Variants in CHCHD6 observed in about 807,000 individuals in gnomAD.
CHCHD6 encodes the protein coiled-coil-helix-coiled-coil-helix domain containing 6, also known as MICOS complex subunit MIC25.
A neutral mutation model predicts 32.3 loss-of-function variants in CHCHD6; 28 were observed. The ratio of observed to expected loss-of-function variants is 0.87; its 90% CI spans 0.64 to 1.19. The LOEUF (loss-of-function observed/expected upper bound fraction) is 1.19. Among genes scored for constraint, CHCHD6 ranks in the 50% most tolerant of loss-of-function variants. The pLI, the probability that CHCHD6 is intolerant of heterozygous loss-of-function variation, is 0.00. For missense variants in CHCHD6, 333 were observed against 307.0 expected (o/e 1.08, Z -0.63); for synonymous variants, 122 against 117.5 (o/e 1.04, Z -0.25).
intron 5 of CHCHD6, among the ~76,000 whole-genome samples, chr3:126,863,218 A>G (rs1165004500): frequency 7.7e-6 from 1 of 129,514 alleles, no homozygotes; most frequent in Admixed American, 7.7e-5. Context: ...CTCTACCACC[A>G]TCACCACCTC....
intron 5 of CHCHD6, among the ~76,000 whole-genome samples, chr3:126,871,578 A>G (rs1204866699): frequency 4.7e-5 from 7 of 150,424 alleles, no homozygotes; most frequent in African/African-American, 1.5e-4. Flanking sequence ...TCCCCACCCT[A>G]TGAGTAGCGA....
intron 5 of CHCHD6, among the ~76,000 whole-genome samples, chr3:126,855,187 C>T (rs983698324): frequency 1.3e-5 from 2 of 152,170 alleles, no homozygotes; most frequent in Non-Finnish European, 2.9e-5. Context: ...TTGACACAGA[C>T]AGGGGCCTTG....
intron 1 of CHCHD6, among the ~76,000 whole-genome samples, chr3:126,721,405 G>A (rs146106766): frequency 2.8e-3 from 433 of 152,230 alleles, no homozygotes; most frequent in African/African-American, 9.8e-3. Context: ...CTGCCGTCCC[G>A]CCCATGGGAT....
intron 5 of CHCHD6, among the ~76,000 whole-genome samples, chr3:126,856,403 T>G (rs1269672525): frequency 6.6e-6 from 1 of 152,162 alleles, no homozygotes; most frequent in Non-Finnish European, 1.5e-5. Context: ...AGCTCAGAAC[T>G]CCAAACACAC....
intron 4 of CHCHD6, chr3:126,780,253 G>A (rs551957402): frequency 2.7e-4 from 94 of 347,886 alleles, no homozygotes; most frequent in Non-Finnish European, 4.3e-4. Context: ...TGAAAGTTAG[G>A]GAAACACCTA....
intron 4 of CHCHD6, among the ~76,000 whole-genome samples, chr3:126,733,731 A>G (rs1205810113): frequency 6.6e-6 from 1 of 152,160 alleles, no homozygotes; most frequent in Non-Finnish European, 1.5e-5. Context: ...AGGAGATAGT[A>G]TTTGTCCAGG....
chr3:126,788,293 G>T (rs564672865), intron 4 of CHCHD6, among the ~76,000 whole-genome samples: 27 of 152,056 alleles, frequency 1.8e-4, no homozygotes, highest in South Asian at 1.0e-3. Context: ...TCTCTTTTTT[G>T]GTTGTGTCTC....
intron 5 of CHCHD6, among the ~76,000 whole-genome samples, chr3:126,871,510 T>A (rs1354994056): frequency 6.6e-6 from 1 of 152,004 alleles, no homozygotes; most frequent in Admixed American, 6.5e-5. Context: ...TCACCTCTGT[T>A]CATCAGATTG....
chr3:126,921,169 C>T (rs2078241285), intron 6 of CHCHD6, among the ~76,000 whole-genome samples: 1 of 152,182 alleles, frequency 6.6e-6, no homozygotes, highest in African/African-American at 2.4e-5. Context: ...ACGGGTGACT[C>T]TCCCAACTTG....
chr3:126,832,553 C>T (rs1707657481), intron 4 of CHCHD6, among the ~76,000 whole-genome samples: 1 of 152,192 alleles, frequency 6.6e-6, no homozygotes, highest in African/African-American at 2.4e-5. Context: ...TTAAACCTCT[C>T]AGATTCTGAG....
chr3:126,938,339 T>C (rs1046034179), intron 6 of CHCHD6, among the ~76,000 whole-genome samples: 1 of 152,218 alleles, frequency 6.6e-6, no homozygotes, highest in African/African-American at 2.4e-5. Flanking sequence ...GCCACAGGGC[T>C]AGTTACAGAA....
At chr3:126,818,347 CTG>C (rs1387611178) in intron 4 of CHCHD6, among the ~76,000 whole-genome samples, 1 of 152,180 alleles carries the variant, frequency 6.6e-6, no homozygotes, top group African/African-American at 2.4e-5. Context: ...GTTCTGTGCT[CTG>C]TAAACTCCTG....
intron 5 of CHCHD6, among the ~76,000 whole-genome samples, chr3:126,891,591 G>GAAAGCGTTCCAGC (rs2077760268): frequency 6.6e-6 from 1 of 152,196 alleles, no homozygotes; most frequent in Non-Finnish European, 1.5e-5. Context: ...CTGCCTTGAG[G>GAAAGCGTTCCAGC]AGGGTAAGCC....
chr3:126,885,340 T>C (rs1486541174), intron 5 of CHCHD6, among the ~76,000 whole-genome samples: 1 of 152,196 alleles, frequency 6.6e-6, no homozygotes. Flanking sequence ...ACGATTATTT[T>C]TTTTCTCCTT....
At chr3:126,738,360 C>T (rs546756635) in intron 4 of CHCHD6, among the ~76,000 whole-genome samples, 1 of 152,304 alleles carries the variant, frequency 6.6e-6, no homozygotes, top group East Asian at 1.9e-4. Flanking sequence ...AACCAATACC[C>T]CGTGGCCGAC....
intron 5 of CHCHD6, among the ~76,000 whole-genome samples, chr3:126,911,612 G>A (rs551620806): frequency 7.6e-4 from 116 of 152,352 alleles, no homozygotes; most frequent in South Asian, 1.4e-3. Flanking sequence ...AAACAATAGA[G>A]GAAGCTGCAG....
chr3:126,772,041 A>T (rs1045193312), intron 4 of CHCHD6, among the ~76,000 whole-genome samples: 2 of 145,664 alleles, frequency 1.4e-5, no homozygotes, highest in African/African-American at 5.1e-5. Context: ...TGGTCTCTCT[A>T]ATACTGTCAT....
At chr3:126,793,744 C>A (rs1011597201) in intron 4 of CHCHD6, among the ~76,000 whole-genome samples, 1 of 152,050 alleles carries the variant, frequency 6.6e-6, no homozygotes, top group Non-Finnish European at 1.5e-5. Flanking sequence ...AAAATTATTT[C>A]GTTTCTATCT....
At chr3:126,748,333 G>T (rs533535045) in intron 4 of CHCHD6, among the ~76,000 whole-genome samples, 1 of 152,110 alleles carries the variant, frequency 6.6e-6, no homozygotes, top group Non-Finnish European at 1.5e-5. Context: ...AGTGGCTCAC[G>T]CCTGTAATCC....
Sources: allele counts gnomAD v4.1 joint callset (sites outside exome capture counted in the v4.1 genomes callset), GRCh38; gene constraint gnomAD v4.1.1; transcripts MANE v1.5; gene names NCBI Gene and HGNC (gene_info 2026-07-23, HGNC 2026-07-21).